Variants in FSIP2 observed in about 807,000 individuals in gnomAD.
FSIP2 encodes the protein fibrous sheath-interacting protein 2.
FSIP2 carries 367 observed loss-of-function variants against 510.5 expected under a neutral mutation model. That is an observed-to-expected ratio of 0.72 (90% CI 0.66 to 0.78). The LOEUF (loss-of-function observed/expected upper bound fraction) is 0.78, where lower values mean the gene tolerates loss of function less well. FSIP2 is among the 30% of genes least tolerant of loss of function. The probability of loss-of-function intolerance (pLI) is 0.00; values close to 1 mark genes in which losing one functional copy is unlikely to be tolerated. For synonymous variants in FSIP2, 2,601 were observed against 2,732.2 expected, an observed-to-expected ratio of 0.95 and a Z score of 1.50; for missense variants, 7,594 against 7,901.7, an observed-to-expected ratio of 0.96 and a Z score of 1.48.
At chr2:185,780,410 T>C (rs969785825) in intron 13 of FSIP2, among the ~76,000 whole-genome samples, 8 of 151,162 alleles carry the variant, frequency 5.3e-5, no homozygotes, top group Non-Finnish European at 1.0e-4. Flanking sequence ...CTCTCTTTAG[T>C]TATTTAGTTT....
chr2:185,815,040 G>A (rs962865063), intron 18 of FSIP2, among the ~76,000 whole-genome samples: 13 of 151,916 alleles, frequency 8.6e-5, no homozygotes, highest in Admixed American at 2.6e-4. Flanking sequence ...TTGTATCTGT[G>A]TTCTTCCTCT....
At chr2:185,828,879 C>T (rs1694060564) in intron 21 of FSIP2, among the ~76,000 whole-genome samples, 1 of 151,830 alleles carries the variant, frequency 6.6e-6, no homozygotes, top group African/African-American at 2.4e-5. Context: ...CATAAGCTAT[C>T]AGTTATGGAG....
chr2:185,771,565 C>T (rs753994920), intron 13 of FSIP2, among the ~76,000 whole-genome samples: 1 of 152,164 alleles, frequency 6.6e-6, no homozygotes, highest in Non-Finnish European at 1.5e-5. Context: ...CAGCAGTGTC[C>T]TGAGGCTGAG....
chr2:185,802,921 G>T lies in FSIP2; in HGVS notation c.13615G>T (p.Asp4539Tyr). The change falls in exon 17 of 23, where the codon GAT (aspartate) becomes TAT (tyrosine). Residue 4539 changes from aspartate (D) to tyrosine (Y), a missense_variant. Transcript: ENST00000424728. ...EETKFIYSEDDIQHLVDSVFA... is the reference protein window; with the variant it reads ...EETKFIYSEDYIQHLVDSVFA... ...AACCAAGTTTATTTATTCAGAAGAT[G>T]ATATTCAGCACCTTGTTGATTCAGT... is the stretch of plus-strand genomic sequence containing the variant. 12 of 1,504,786 alleles carry T rather than the reference G, an allele frequency of 8.0e-6. No individual in the cohort carries two copies. The highest frequency in any genetic ancestry group is 1.1e-5 in the Non-Finnish European group (12 of 1,135,378). The allele number at this position is 1,504,786 out of a possible 1,614,324, so 93.2% of individuals were successfully genotyped here. A position where few individuals can be genotyped will look rare whatever the true frequency, so the allele number is the denominator to read the frequency against.
At chr2:185,826,263 G>A (rs1392097304) in intron 20 of FSIP2, among the ~76,000 whole-genome samples, 1 of 151,740 alleles carries the variant, frequency 6.6e-6, no homozygotes, top group Admixed American at 6.6e-5. Flanking sequence ...CAAATCTCAA[G>A]TCATCACAAT....
rs1389895678 is a variant in FSIP2, at chr2:185,781,261, A to C, written c.1412-1444A>C. On this transcript the variant is annotated intron_variant, in intron 13 of 22. Transcript: ENST00000424728. ...TCACTTTCAGTATAAGCAGTCAATA[A>C]ATTATATAATAAATTCAACACTTTA... Among the ~76,000 whole-genome samples, 7 of 152,328 alleles carry C rather than the reference A, an allele frequency of 4.6e-5. No homozygotes were observed. In the East Asian group the frequency reaches 1.3e-3, roughly 29 times the overall value.
intron 13 of FSIP2, among the ~76,000 whole-genome samples, chr2:185,782,386 A>G (rs1020439804): frequency 1.3e-5 from 2 of 152,216 alleles, no homozygotes; most frequent in African/African-American, 4.8e-5. Flanking sequence ...AGGGTGTTCT[A>G]GACAAAAGAA....
intron 2 of FSIP2, among the ~76,000 whole-genome samples, chr2:185,740,846 T>C (rs1691909009): frequency 6.6e-6 from 1 of 152,096 alleles, no homozygotes. Flanking sequence ...AGGCCCCAGC[T>C]CCTAATGCCA....
chr2:185,826,297 T>C (rs1254453842), intron 20 of FSIP2, among the ~76,000 whole-genome samples: 1 of 151,808 alleles, frequency 6.6e-6, no homozygotes, highest in East Asian at 1.9e-4. Context: ...CTAAATCATC[T>C]GGGCATCATC....
chr2:185,759,119 G>A (rs1457945076), intron 9 of FSIP2, among the ~76,000 whole-genome samples: 1 of 150,854 alleles, frequency 6.6e-6, no homozygotes, highest in African/African-American at 2.4e-5. Flanking sequence ...CAAAACATAA[G>A]GGAAAGTGAT....
Position 185,791,956 on chromosome 2 carries a change from T to C in FSIP2, c.4820T>C (p.Ile1607Thr), listed in dbSNP as rs1693139467. The change falls in exon 16 of 23, where the codon ATT becomes ACT. Residue 1607 changes from isoleucine to threonine, a missense_variant. Physicochemically the swap from Ile to Thr is moderately conservative, Grantham distance 89. Transcript: ENST00000424728. ...ANGHLEILGA[I>T]NDGNKKSNKI... ...GGACATTTAGAAATTTTGGGTGCTA[T>C]TAATGATGGAAATAAGAAAAGCAAT... 1 of 1,533,866 alleles carries C rather than the reference T, an allele frequency of 6.5e-7. No individual in the cohort carries two copies. The highest frequency in any genetic ancestry group is 8.7e-7 in the Non-Finnish European group (1 of 1,145,348).
Position 185,803,056 on chromosome 2 carries a change from A to G in FSIP2, c.13750A>G (p.Ile4584Val). The G allele has an allele frequency of 6.6e-7, 1 of 1,517,222 alleles. No homozygotes were observed. Among genetic ancestry groups the G allele is most frequent in the Non-Finnish European group, 8.8e-7 (1 of 1,139,114 alleles). 94.0% of individuals were successfully genotyped at this position (1,517,222 alleles called of 1,614,324 possible). A position where few individuals can be genotyped will look rare whatever the true frequency, so the allele number is the denominator to read the frequency against. The change falls in exon 17 of 23, where the codon ATC becomes GTC. Residue 4584 changes from isoleucine to valine, a missense_variant. Physicochemically the swap from Ile to Val is conservative, Grantham distance 29 (BLOSUM62 3). Transcript: ENST00000424728. ...DRIAGFIIKH[I>V]CQKHLQPFVS... is the part of the protein sequence containing the mutation. ...AATAGCAGGTTTCATCATTAAACAT[A>G]TCTGTCAAAAACATCTTCAGCCATT...
chr2:185,737,236 G>A (rs1264561089), upstream of FSIP2, among the ~76,000 whole-genome samples: 1 of 152,156 alleles, frequency 6.6e-6, no homozygotes, highest in East Asian at 1.9e-4. Context: ...ATATATTTGT[G>A]GTAATTTAAG....
Position 185,795,074 on chromosome 2 carries a change from TC to T in FSIP2, c.7940del (p.Pro2647LeufsTer2), listed in dbSNP as rs1693235500. ...ATAAGATCACAAATTTTGTCTCACT[TC>T]CTTTAAAGGTGAGCCCTAAGGACAA... ...LNKITNFVSL[P>X]LKVSPKDNPK... On this transcript the variant is annotated frameshift_variant, in exon 16 of 23. Transcript: ENST00000424728. LOFTEE classifies it high-confidence loss of function. The T allele has an allele frequency of 9.1e-6, 14 of 1,534,800 alleles. No homozygotes were observed. Among genetic ancestry groups the T allele is most frequent in the Non-Finnish European group, 1.2e-5 (14 of 1,146,072 alleles).
At chr2:185,752,010 T>C (rs1209719052) in intron 7 of FSIP2, among the ~76,000 whole-genome samples, 3 of 151,302 alleles carry the variant, frequency 2.0e-5, no homozygotes, top group Admixed American at 6.6e-5. Context: ...GCCAGATACT[T>C]AAAATTTTTT....
In FSIP2 at chr2:185,795,222, G is replaced by A; in HGVS notation, c.8086G>A (p.Gly2696Ser). Residue 2696 changes from glycine (G) to serine (S), a missense_variant, in exon 16 of 23, where the codon GGT becomes AGT. By Grantham distance (56) the Gly-to-Ser change is moderately conservative. Coordinates refer to ENST00000424728, the MANE Select transcript of FSIP2 (RefSeq NM_173651.4). ...AAKAKSKTKL[G>S]PGEKTLKDSR... is the part of the protein sequence containing the mutation. ...TAAGGCCAAAAGCAAAACCAAGTTAGGTCCTGGAGAGAAGACCCTAAAAGA... is the reference window on the plus strand; with the variant it reads ...TAAGGCCAAAAGCAAAACCAAGTTAAGTCCTGGAGAGAAGACCCTAAAAGA... The A allele has an allele frequency of 1.3e-6, 2 of 1,535,054 alleles. No individual in the cohort carries two copies. The highest frequency in any genetic ancestry group is 1.4e-5 in the African/African-American group (1 of 73,036).
intron 21 of FSIP2, among the ~76,000 whole-genome samples, chr2:185,828,525 T>G (rs1029320246): frequency 2.6e-5 from 4 of 151,730 alleles, no homozygotes; most frequent in African/African-American, 9.7e-5. Flanking sequence ...CTAGAGGGAG[T>G]GAATTACTTG....
At position 185,833,225 on chromosome 2, in the gene FSIP2, G is replaced by C. The variant is rs377490331; in HGVS notation, c.20723G>C (p.Ter6908SerextTer5). The C allele has an allele frequency of 6.9e-6, 11 of 1,604,946 alleles. No individual in the cohort carries two copies. The highest frequency in any genetic ancestry group is 9.4e-6 in the Non-Finnish European group (11 of 1,176,108). The change falls in exon 23 of 23, where the codon TGA becomes TCA. Residue 6908 changes from the stop codon to serine (S), a stop_lost. Coordinates refer to ENST00000424728, the MANE Select transcript of FSIP2 (RefSeq NM_173651.4). ...TCACCAGCTCACCAGGATGAACACTGAAGCTTTTGTACCTGATATAAGTAT... is the reference window on the plus strand; with the variant it reads ...TCACCAGCTCACCAGGATGAACACTCAAGCTTTTGTACCTGATATAAGTAT... Reference protein sequence around the residue: ...SSSPAHQDEH* With the variant: ...SSSPAHQDEHS
chr2:185,791,263 T>C lies in FSIP2; in HGVS notation c.4127T>C (p.Ile1376Thr), dbSNP rs1231882544. ...LSSENAHQRS[I>T]SLSSRKPKSA... ...AGTGAAAATGCACATCAAAGAAGCA[T>C]TTCACTCTCTTCTCGTAAGCCAAAG... Residue 1376 changes from isoleucine (I) to threonine (T), a missense_variant, in exon 16 of 23, where the codon ATT becomes ACT. Transcript: ENST00000424728. 6 of 1,533,968 alleles carry C rather than the reference T, an allele frequency of 3.9e-6. No individual in the cohort carries two copies. The highest frequency in any genetic ancestry group is 1.7e-4 in the Middle Eastern group (1 of 5,992).
Sources: allele counts gnomAD v4.1 joint callset (sites outside exome capture counted in the v4.1 genomes callset), GRCh38; gene constraint gnomAD v4.1.1; transcripts MANE v1.5; gene names NCBI Gene and HGNC (gene_info 2026-07-23, HGNC 2026-07-21).